The following LIMCH1 variants were observed in gnomAD, a reference collection of about 807,000 sequenced individuals.
LIMCH1 encodes the protein LIM and calponin homology domains-containing protein 1.
In LIMCH1, 113 loss-of-function variants were observed where a neutral mutation model predicts 176.5. That is an observed-to-expected ratio of 0.64 (90% CI 0.55 to 0.75). The LOEUF is 0.75. Ranked by LOEUF, LIMCH1 falls within the 30% of genes least tolerant of loss-of-function variation. The pLI is 0.00. For missense variants in LIMCH1, 1,674 were observed against 1,814.9 expected (o/e 0.92, Z 1.41); for synonymous variants, 619 against 645.9 (o/e 0.96, Z 0.63).
intron 1 of LIMCH1, among the ~76,000 whole-genome samples, chr4:41,552,410 A>G (rs2080586553): frequency 6.6e-6 from 1 of 152,180 alleles, no homozygotes; most frequent in South Asian, 2.1e-4. Flanking sequence ...CCACGCCTGC[A>G]TCAGGATCCA....
intron 22 of LIMCH1, 120 bp downstream of exon 22, chr4:41,671,714 AC>A: frequency 1.4e-6 from 1 of 723,758 alleles, no homozygotes; most frequent in Non-Finnish European, 2.4e-6. Flanking sequence ...TGTAATCCCA[AC>A]ACTTTGGGAG....
At chr4:41,671,440 A>ACAC (rs1388793096) in intron 21 of LIMCH1, 114 bp from the exon 22 acceptor site, 109 of 703,120 alleles carry the variant, frequency 1.6e-4, no homozygotes, top group Middle Eastern at 4.0e-4. Flanking sequence ...ACACACACAC[A>ACAC]AAATTGGTTT....
At chr4:41,650,689 G>A in intron 18 of LIMCH1, 81 bp downstream of exon 18, 2 of 1,148,628 alleles carry the variant, frequency 1.7e-6, no homozygotes, top group Non-Finnish European at 2.5e-6. Flanking sequence ...AGTAGGTCAT[G>A]ATAATGACCA....
intron 31 of LIMCH1, among the ~76,000 whole-genome samples, chr4:41,695,649 A>G (rs1394800613): frequency 1.3e-5 from 2 of 151,946 alleles, no homozygotes; most frequent in Non-Finnish European, 2.9e-5. Context: ...CTTTCCAATT[A>G]TTTTTTTCCA....
At chr4:41,482,662 A>G (rs1273691830) in intron 1 of LIMCH1, among the ~76,000 whole-genome samples, 1 of 152,214 alleles carries the variant, frequency 6.6e-6, no homozygotes, top group African/African-American at 2.4e-5. Flanking sequence ...TGAAAAAAGG[A>G]CTGGAAAGGG....
intron 3 of LIMCH1, among the ~76,000 whole-genome samples, chr4:41,532,775 T>G (rs1400191398): frequency 6.6e-6 from 1 of 152,226 alleles, no homozygotes; most frequent in African/African-American, 2.4e-5. Context: ...CTTGTGATTA[T>G]TATGTCCTTT....
chr4:41,580,218 TAGAC>T (rs201941783), intron 1 of LIMCH1, among the ~76,000 whole-genome samples: 1,621 of 152,298 alleles, frequency 0.011, 42 homozygotes, highest in African/African-American at 0.037. Flanking sequence ...TGTATAAAAA[TAGAC>T]AGTTAAATGT....
At chr4:41,626,250 T>A (rs1349360556) in intron 7 of LIMCH1, among the ~76,000 whole-genome samples, 1 of 152,166 alleles carries the variant, frequency 6.6e-6, no homozygotes, top group Non-Finnish European at 1.5e-5. Context: ...ATTCTAGGTG[T>A]GGTGTCACAC....
intron 1 of LIMCH1, among the ~76,000 whole-genome samples, chr4:41,371,129 A>G (rs1412124392): frequency 6.6e-6 from 1 of 152,180 alleles, no homozygotes; most frequent in East Asian, 1.9e-4. Context: ...CGAAACTTCT[A>G]AAAAGATCAT....
intron 1 of LIMCH1, among the ~76,000 whole-genome samples, chr4:41,590,923 A>C (rs1264627122): frequency 6.6e-6 from 1 of 152,174 alleles, no homozygotes; most frequent in African/African-American, 2.4e-5. Context: ...GGAAATCCCC[A>C]AATTCTATTA....
intron 1 of LIMCH1, among the ~76,000 whole-genome samples, chr4:41,402,989 G>GA (rs66584828): frequency 0.46 from 68,829 of 148,558 alleles, 17,802 homozygotes; most frequent in African/African-American, 0.72. Context: ...TAAAAAAAAA[G>GA]AAAAAAAAAG....
At chr4:41,549,655 G>A (rs1377311565) in intron 1 of LIMCH1, among the ~76,000 whole-genome samples, 1 of 152,028 alleles carries the variant, frequency 6.6e-6, no homozygotes, top group East Asian at 1.9e-4. Flanking sequence ...CCTAAGTCTG[G>A]CTCCTAACCA....
At chr4:41,564,815 T>A (rs1351390692) in intron 1 of LIMCH1, among the ~76,000 whole-genome samples, 1 of 152,146 alleles carries the variant, frequency 6.6e-6, no homozygotes, top group African/African-American at 2.4e-5. Context: ...GAGGAGGTTT[T>A]CCCTGTGTTG....
At chr4:41,530,810 A>AAAAAAAC in intron 3 of LIMCH1, among the ~76,000 whole-genome samples, 1 of 146,666 alleles carries the variant, frequency 6.8e-6, no homozygotes, top group Non-Finnish European at 1.5e-5. Context: ...AAAAAAAAAA[A>AAAAAAAC]AAAAAAAAAT....
intron 1 of LIMCH1, among the ~76,000 whole-genome samples, chr4:41,365,023 G>A (rs555168915): frequency 1.1e-3 from 171 of 152,202 alleles, no homozygotes; most frequent in African/African-American, 4.0e-3. Flanking sequence ...TCTAATCTGT[G>A]GTTCTTCTTT....
intron 1 of LIMCH1, among the ~76,000 whole-genome samples, chr4:41,459,657 G>A (rs948664881): frequency 1.3e-5 from 2 of 152,062 alleles, no homozygotes; most frequent in Non-Finnish European, 2.9e-5. Flanking sequence ...TATGTGGATG[G>A]TATAAGGGCT....
chr4:41,661,722 A>G (rs2094628135), intron 19 of LIMCH1, among the ~76,000 whole-genome samples: 1 of 152,200 alleles, frequency 6.6e-6, no homozygotes, highest in Admixed American at 6.5e-5. Context: ...GCTCTTTCTT[A>G]AAGCTACCCA....
At chr4:41,692,533 G>A in intron 31 of LIMCH1, 149 bp downstream of exon 31, 1 of 580,356 alleles carries the variant, frequency 1.7e-6, no homozygotes, top group Non-Finnish European at 3.1e-6. Flanking sequence ...AAAAAGAAAA[G>A]ATATTTACCA....
chr4:41,549,824 TGAA>T (rs2152509425), intron 1 of LIMCH1, among the ~76,000 whole-genome samples: 1 of 152,192 alleles, frequency 6.6e-6, no homozygotes, highest in East Asian at 1.9e-4. Context: ...TAGATTTACT[TGAA>T]GAAACAGATA....
Sources: allele counts gnomAD v4.1 joint callset (sites outside exome capture counted in the v4.1 genomes callset), GRCh38; gene constraint gnomAD v4.1.1; transcripts MANE v1.5; gene names NCBI Gene and HGNC (gene_info 2026-07-23, HGNC 2026-07-21).